The following TRMT11 variants were observed in gnomAD, a reference collection of about 807,000 sequenced individuals.
TRMT11 encodes tRNA methyltransferase 11.
TRMT11 carries 53 observed loss-of-function variants against 62.8 expected under a neutral mutation model. The ratio of observed to expected loss-of-function variants is 0.84; its 90% CI spans 0.68 to 1.06. The LOEUF (loss-of-function observed/expected upper bound fraction) is 1.06, where lower values mean the gene tolerates loss of function less well. Among genes scored for constraint, TRMT11 ranks in the 50% least tolerant of loss-of-function variants. The pLI, the probability that TRMT11 is intolerant of heterozygous loss-of-function variation, is 0.00. For synonymous variants in TRMT11, 188 were observed against 190.3 expected (o/e 0.99, Z 0.10); for missense variants, 556 against 553.4 (o/e 1.00, Z -0.05).
the TRMT11 span, among the ~76,000 whole-genome samples, chr6:126,250,238 C>G: frequency 6.6e-6 from 1 of 151,962 alleles, no homozygotes; most frequent in South Asian, 2.1e-4. Context: ...TGGAGGAGAC[C>G]TAATGAGTGT....
intron 21 of TRMT11, among the ~76,000 whole-genome samples, chr6:126,130,700 T>C (rs1777771932): frequency 6.6e-6 from 1 of 152,100 alleles, no homozygotes; most frequent in Admixed American, 6.6e-5. Flanking sequence ...GAGATGGTGG[T>C]TCTCAACATT....
the TRMT11 span, among the ~76,000 whole-genome samples, chr6:126,245,373 ACCT>A: frequency 6.6e-6 from 1 of 152,176 alleles, no homozygotes; most frequent in Admixed American, 6.5e-5. Context: ...GAAACTGTTC[ACCT>A]CCTACTGTAA....
chr6:126,102,852 A>G (rs1440537765), intron 17 of TRMT11, among the ~76,000 whole-genome samples: 2 of 152,338 alleles, frequency 1.3e-5, no homozygotes, highest in Admixed American at 6.5e-5. Context: ...TTTCAAAACA[A>G]CTTACTGAGG....
At chr6:126,053,361 C>T (rs187540668) in intron 17 of TRMT11, among the ~76,000 whole-genome samples, 1 of 152,146 alleles carries the variant, frequency 6.6e-6, no homozygotes, top group Non-Finnish European at 1.5e-5. Flanking sequence ...CCAGCCAATT[C>T]CTAGAGATAA....
At chr6:126,158,615 A>T (rs1359795487) in intron 21 of TRMT11, among the ~76,000 whole-genome samples, 2 of 152,202 alleles carry the variant, frequency 1.3e-5, no homozygotes, top group Non-Finnish European at 2.9e-5. Flanking sequence ...GGCAAATAGG[A>T]GACAAGCTTC....
chr6:126,081,408 A>G (rs1365420605), intron 17 of TRMT11, among the ~76,000 whole-genome samples: 1 of 152,182 alleles, frequency 6.6e-6, no homozygotes, highest in East Asian at 1.9e-4. Context: ...ACATTGCACA[A>G]AAATGTAGGG....
chr6:126,192,330 G>A (rs1339641535), intron 1 of TRMT11, among the ~76,000 whole-genome samples: 2 of 152,036 alleles, frequency 1.3e-5, no homozygotes, highest in East Asian at 3.8e-4. Context: ...GCAATTCTAA[G>A]AGTTTTTTGG....
chr6:126,001,109 T>G (rs1792402229), intron 7 of TRMT11, among the ~76,000 whole-genome samples: 1 of 152,142 alleles, frequency 6.6e-6, no homozygotes, highest in African/African-American at 2.4e-5. Context: ...AGAATGAGGA[T>G]ATATTCTTCT....
chr6:126,157,137 C>T (rs1778131242), intron 21 of TRMT11, among the ~76,000 whole-genome samples: 1 of 152,176 alleles, frequency 6.6e-6, no homozygotes, highest in African/African-American at 2.4e-5. Flanking sequence ...GCTCTCTGTC[C>T]CTGAGGTTTG....
At chr6:126,089,839 T>C (rs937858539) in intron 17 of TRMT11, among the ~76,000 whole-genome samples, 1 of 152,232 alleles carries the variant, frequency 6.6e-6, no homozygotes, top group Non-Finnish European at 1.5e-5. Context: ...GGGATTTTTT[T>C]CCAATGTTAA....
chr6:126,053,373 G>T (rs554812004), intron 17 of TRMT11, among the ~76,000 whole-genome samples: 2 of 152,258 alleles, frequency 1.3e-5, no homozygotes, highest in South Asian at 4.1e-4. Context: ...TAGAGATAAA[G>T]GTTTCACCTT....
intron 17 of TRMT11, among the ~76,000 whole-genome samples, chr6:126,095,917 C>T (rs1400195441): frequency 1.3e-5 from 2 of 152,036 alleles, no homozygotes; most frequent in Non-Finnish European, 2.9e-5. Context: ...AGAAAGAATG[C>T]CAGGTTTTGT....
chr6:126,230,980 T>C, the TRMT11 span, among the ~76,000 whole-genome samples: 8 of 152,216 alleles, frequency 5.3e-5, no homozygotes, highest in Non-Finnish European at 1.2e-4. Context: ...TAAATCCATA[T>C]TTCAAATAGT....
the TRMT11 span, among the ~76,000 whole-genome samples, chr6:126,265,172 G>A: frequency 9.2e-5 from 14 of 152,240 alleles, 1 homozygote; most frequent in Middle Eastern, 3.4e-3. Context: ...GTTTACACAT[G>A]AATAAGACAC....
At chr6:126,171,553 AT>A (rs553554757) in intron 21 of TRMT11, among the ~76,000 whole-genome samples, 41 of 148,604 alleles carry the variant, frequency 2.8e-4, no homozygotes, top group East Asian at 5.9e-4. Flanking sequence ...TGAAACCAAG[AT>A]TTTTTTTTTT....
chr6:126,069,601 C>A (rs1776790317), intron 17 of TRMT11, among the ~76,000 whole-genome samples: 1 of 152,214 alleles, frequency 6.6e-6, no homozygotes, highest in Admixed American at 6.5e-5. Flanking sequence ...AGTCATCAAG[C>A]TGCGAAGCTG....
At chr6:126,265,380 C>A in the TRMT11 span, among the ~76,000 whole-genome samples, 7 of 151,964 alleles carry the variant, frequency 4.6e-5, no homozygotes, top group Non-Finnish European at 1.0e-4. Flanking sequence ...TATAAATTAT[C>A]CCAAAGTTTT....
At chr6:126,151,503 C>G (rs1778036625) in intron 21 of TRMT11, among the ~76,000 whole-genome samples, 1 of 151,890 alleles carries the variant, frequency 6.6e-6, no homozygotes, top group Non-Finnish European at 1.5e-5. Context: ...TGTTAATTTC[C>G]TTACTATACT....
downstream of TRMT11, among the ~76,000 whole-genome samples, chr6:126,042,750 T>C (rs771872370): frequency 4.6e-5 from 7 of 152,148 alleles, no homozygotes; most frequent in Non-Finnish European, 8.8e-5. Flanking sequence ...GCTGGGCTTA[T>C]GTGTGAAGTT....
Sources: allele counts gnomAD v4.1 joint callset (sites outside exome capture counted in the v4.1 genomes callset), GRCh38; gene constraint gnomAD v4.1.1; transcripts MANE v1.5; gene names NCBI Gene and HGNC (gene_info 2026-07-23, HGNC 2026-07-21).